CEP95: variants seen among roughly 807,000 people sequenced by gnomAD.
CEP95 encodes centrosomal protein of 95 kDa.
In CEP95, 98 loss-of-function variants were observed where a neutral mutation model predicts 111.2. That is an observed-to-expected ratio of 0.88 (90% CI 0.75 to 1.04). CEP95 has a LOEUF of 1.04. Ranked by LOEUF, CEP95 falls within the 50% of genes least tolerant of loss-of-function variation. The pLI is 0.00. For missense variants in CEP95, 1,027 were observed against 977.2 expected, an observed-to-expected ratio of 1.05 and a Z score of -0.68; for synonymous variants, 323 against 327.1, an observed-to-expected ratio of 0.99 and a Z score of 0.14.
At position 64,522,902 on chromosome 17, in the gene CEP95, G is replaced by A. The variant is rs1967471544; in HGVS notation, c.909+7G>A. ...GCATACGGAATTTTCTGGGGTAAGT[G>A]GAAAAGCTTACTTTCAGTTGGCTAG... On this transcript the variant is annotated splice_region_variant and intron_variant, in intron 8 of 19. Coordinates refer to ENST00000556440, the MANE Select transcript of CEP95 (RefSeq NM_138363.3). 1.3e-6 allele frequency: 2 copies of A among 1,597,082 alleles called. No individual in the cohort carries two copies. Among genetic ancestry groups the A allele is most frequent in the African/African-American group, 1.3e-5 (1 of 74,704 alleles).
chr17:64,507,976 A>G, intron 1 of CEP95: 1 of 985,436 alleles, frequency 1.0e-6, no homozygotes, highest in Non-Finnish European at 1.2e-6. Flanking sequence ...CAGTATTGAT[A>G]ATTCTGAGCT....
At chr17:64,508,127 A>T (rs1406875964) in intron 1 of CEP95, 1 of 985,346 alleles carries the variant, frequency 1.0e-6, no homozygotes, top group East Asian at 1.1e-4. Context: ...CACCAGAGAA[A>T]CCCTGACTTG....
Position 64,529,413 on chromosome 17 carries a change from C to T in CEP95, c.1432C>T (p.Gln478Ter). 1 of 1,613,708 alleles carries T rather than the reference C, an allele frequency of 6.2e-7. No homozygotes were observed. Among genetic ancestry groups the T allele is most frequent in the Non-Finnish European group, 8.5e-7 (1 of 1,179,716 alleles). ...QRKPRETDVR[Q>*]FQAQAFTEAF... ...CAAGCCAAGAGAAACAGATGTCCGC[C>T]AATTCCAAGCACAGGTTCTTCCCCA... The change falls in exon 12 of 20, where the codon CAA becomes TAA. Residue 478 changes from glutamine (Q) to a stop codon, truncating the protein, a stop_gained. Coordinates refer to ENST00000556440, the MANE Select transcript of CEP95 (RefSeq NM_138363.3). LOFTEE classifies it high-confidence loss of function.
At chr17:64,531,827 AGATGATGT>A in intron 13 of CEP95, 55 bp from the exon 14 acceptor site, 1 of 1,226,860 alleles carries the variant, frequency 8.2e-7, no homozygotes, top group South Asian at 1.8e-5. Flanking sequence ...GTAATATTTA[AGATGATGT>A]ATGAAAGAAC....
At chr17:64,535,026 G>A (rs1968555211) in intron 17 of CEP95, 1 of 384,614 alleles carries the variant, frequency 2.6e-6, no homozygotes, top group Non-Finnish European at 5.0e-6. Context: ...AGAGGTTTGG[G>A]AACATGTGAG....
At position 64,507,123 on chromosome 17, in the gene CEP95, G is replaced by C; in HGVS notation, c.19+7G>C. On this transcript the variant is annotated splice_region_variant and intron_variant, in intron 1 of 19. Coordinates refer to ENST00000556440, the MANE Select transcript of CEP95 (RefSeq NM_138363.3). Reference sequence around the variant, plus strand: ...ATGGCAGGCTCGGATGCTGGTGAGTGTCTCCCTGGGGTCCCAGTATGTGTG... The same window carrying C: ...ATGGCAGGCTCGGATGCTGGTGAGTCTCTCCCTGGGGTCCCAGTATGTGTG... The C allele has an allele frequency of 6.4e-7, 1 of 1,551,452 alleles. No homozygotes were observed. The highest frequency in any genetic ancestry group is 8.7e-7 in the Non-Finnish European group (1 of 1,146,948).
Position 64,508,713 on chromosome 17 carries a change from G to C in CEP95, c.141G>C (p.Lys47Asn), listed in dbSNP as rs782777182. 7.2e-7 allele frequency: 1 copy of C among 1,396,370 alleles called. No homozygotes were observed. Among genetic ancestry groups the C allele is most frequent in the Non-Finnish European group, 9.4e-7 (1 of 1,064,750 alleles). The allele number at this position is 1,396,370 out of a possible 1,614,324, so 86.5% of individuals were successfully genotyped here. ...IALYQSILGE[K>N]VPDLIVIPRS... Reference sequence around the variant, plus strand: ...TTTATCAGTCTATTTTGGGAGAAAAGGTACCAGGTAAGAATACTAAAAGCA... The same window carrying C: ...TTTATCAGTCTATTTTGGGAGAAAACGTACCAGGTAAGAATACTAAAAGCA... Residue 47 changes from lysine (K) to asparagine (N), a missense_variant, in exon 2 of 20, where the codon AAG becomes AAC. By Grantham distance (94) the Lys-to-Asn change is moderately conservative. Transcript: ENST00000556440.
At chr17:64,534,944 C>T in intron 17 of CEP95, 1 of 549,242 alleles carries the variant, frequency 1.8e-6, no homozygotes. Context: ...CCGTGTCCCT[C>T]ATCTTAATGT....
At position 64,507,459 on chromosome 17, in the gene CEP95, A is replaced by T. The variant is rs1322811518; in HGVS notation, c.19+343A>T. On this transcript the variant is annotated intron_variant, in intron 1 of 19. Coordinates refer to ENST00000556440, the MANE Select transcript of CEP95 (RefSeq NM_138363.3). ...TCCGTGTGCCCTCCGCCCTTGCACTATGGGCCCTGAGGTCGTACCTGCTTT... is the reference window on the plus strand; with the variant it reads ...TCCGTGTGCCCTCCGCCCTTGCACTTTGGGCCCTGAGGTCGTACCTGCTTT... The T allele has an allele frequency of 1.7e-5, 22 of 1,304,140 alleles. No individual in the cohort carries two copies. The East Asian group carries it at 2.4e-4, about 14-fold the overall frequency. 80.8% of individuals were successfully genotyped at this position (1,304,140 alleles called of 1,614,324 possible). A position where few individuals can be genotyped will look rare whatever the true frequency, so the allele number is the denominator to read the frequency against.
At chr17:64,531,096 A>G in intron 13 of CEP95, 78 bp downstream of exon 13, 1 of 806,396 alleles carries the variant, frequency 1.2e-6, no homozygotes, top group Non-Finnish European at 1.9e-6. Flanking sequence ...TTTTAAAAGA[A>G]GAAGGGGCCA....
At chr17:64,510,131 C>T (rs782659626) in intron 2 of CEP95, 42 bp from the exon 3 acceptor site, 6 of 1,137,140 alleles carry the variant, frequency 5.3e-6, no homozygotes, top group Admixed American at 3.9e-5. Flanking sequence ...GAAAACTTGG[C>T]CTCTCATGGA....
Position 64,526,214 on chromosome 17 carries a change from T to C in CEP95, c.1152+14T>C, listed in dbSNP as rs782189579. On this transcript the variant is annotated intron_variant, in intron 10 of 19. Coordinates refer to ENST00000556440, the MANE Select transcript of CEP95 (RefSeq NM_138363.3). ...GAACTAGATTGGGCAAGTCTTGTTTTTTCATCTATATTGAGATTCCCATGG... is the reference window on the plus strand; with the variant it reads ...GAACTAGATTGGGCAAGTCTTGTTTCTTCATCTATATTGAGATTCCCATGG... 1.2e-6 allele frequency: 2 copies of C among 1,603,570 alleles called. No homozygotes were observed. The highest frequency in any genetic ancestry group is 1.7e-6 in the Non-Finnish European group (2 of 1,176,400).
intron 3 of CEP95, among the ~76,000 whole-genome samples, chr17:64,511,731 G>A (rs186502236): frequency 6.6e-6 from 1 of 152,316 alleles, no homozygotes; most frequent in East Asian, 1.9e-4. Context: ...GAAATCACAA[G>A]GGTATTGATT....
At chr17:64,515,353 G>A (rs2039087279) in intron 4 of CEP95, among the ~76,000 whole-genome samples, 1 of 152,236 alleles carries the variant, frequency 6.6e-6, no homozygotes, top group Non-Finnish European at 1.5e-5. Context: ...GTAGGTATTT[G>A]TATGCTGTGT....
At chr17:64,522,101 T>G (rs1967390739) in intron 7 of CEP95, among the ~76,000 whole-genome samples, 1 of 152,140 alleles carries the variant, frequency 6.6e-6, no homozygotes, top group Admixed American at 6.5e-5. Flanking sequence ...TCCGCCTGCC[T>G]CAGCCTCCCA....
chr17:64,534,328 A>T (rs1175874135), intron 16 of CEP95: 1 of 371,268 alleles, frequency 2.7e-6, no homozygotes, highest in Non-Finnish European at 4.9e-6. Flanking sequence ...TCCTGGTGGC[A>T]TGGGGAGTGA....
At position 64,537,560 on chromosome 17, in the gene CEP95, A is replaced by C. The variant is rs781955119; in HGVS notation, c.2290-43A>C. 7 of 1,533,102 alleles carry C rather than the reference A, an allele frequency of 4.6e-6. No homozygotes were observed. The East Asian group carries it at 1.4e-4, about 30-fold the overall frequency. 95.0% of individuals were successfully genotyped at this position (1,533,102 alleles called of 1,614,324 possible). ...GAGGGAACAATAGATGAGGGCCTGG[A>C]TAAATGCTGTGAACAGCGGGATGAC... On this transcript the variant is annotated intron_variant, in intron 19 of 19. Transcript: ENST00000556440.
chr17:64,519,334 T>A lies in CEP95; in HGVS notation c.487T>A (p.Ser163Thr). The change falls in exon 6 of 20, where the codon TCT (serine) becomes ACT (threonine). Residue 163 changes from serine to threonine, a missense_variant. Ser to Thr is a moderately conservative substitution (Grantham distance 58). Transcript: ENST00000556440. ...RVSFGRCSLS[S>T]EMLGPSWDGD... ...GAACTTTTCCAGGTGCTCCTTGTCTTCTGAGATGTTGGGCCCCTCTTGGGA... is the reference window on the plus strand; with the variant it reads ...GAACTTTTCCAGGTGCTCCTTGTCTACTGAGATGTTGGGCCCCTCTTGGGA... 6.2e-7 allele frequency: 1 copy of A among 1,613,666 alleles called. No homozygotes were observed.
chr17:64,536,151 C>G (rs566167214), intron 17 of CEP95: 1 of 152,798 alleles, frequency 6.5e-6, no homozygotes, highest in East Asian at 1.9e-4. Context: ...TATAATAAAA[C>G]ATACTGAATT....
Sources: allele counts gnomAD v4.1 joint callset (sites outside exome capture counted in the v4.1 genomes callset), GRCh38; gene constraint gnomAD v4.1.1; transcripts MANE v1.5; gene names NCBI Gene and HGNC (gene_info 2026-07-23, HGNC 2026-07-21).